The following TBC1D22A variants were observed in gnomAD, a reference collection of about 807,000 sequenced individuals.
TBC1D22A encodes putative GTPase activator.
In TBC1D22A, 38 loss-of-function variants were observed where a neutral mutation model predicts 60.2. The observed-to-expected ratio is 0.63, with a 90% CI of 0.49 to 0.83. The LOEUF (loss-of-function observed/expected upper bound fraction) is 0.83, where lower values mean the gene tolerates loss of function less well. TBC1D22A is among the 40% of genes least tolerant of loss of function. The pLI is 0.00. For missense variants in TBC1D22A, 628 were observed against 701.0 expected (o/e 0.90, Z 1.18); for synonymous variants, 302 against 281.7 (o/e 1.07, Z -0.72).
intron 11 of TBC1D22A, among the ~76,000 whole-genome samples, chr22:47,065,654 T>TGC (rs1366223481): frequency 6.6e-6 from 1 of 151,552 alleles, no homozygotes; most frequent in African/African-American, 2.4e-5. Context: ...TGGGTTGGAT[T>TGC]GAGGGAGACC....
chr22:46,941,592 T>C (rs1407053968), intron 8 of TBC1D22A, among the ~76,000 whole-genome samples: 2 of 147,430 alleles, frequency 1.4e-5, no homozygotes, highest in African/African-American at 4.9e-5. Context: ...GGAATATATA[T>C]ACGGAATATA....
chr22:46,876,227 G>A (rs1188079904), intron 4 of TBC1D22A, among the ~76,000 whole-genome samples: 1 of 152,154 alleles, frequency 6.6e-6, no homozygotes, highest in Non-Finnish European at 1.5e-5. Flanking sequence ...TCTCGTATGT[G>A]CCTACAGAAA....
In TBC1D22A at chr22:46,993,609, G is replaced by A. The variant is rs563295198; in HGVS notation, c.1126-4025G>A. The stretch of plus-strand genomic sequence containing the variant: ...GCGGGGTGCTGGGCTGGGGTGTCCC[G>A]AGGGCAAATCTGGTTTCTGGGCCTT... On this transcript the variant is annotated intron_variant, in intron 9 of 12. Coordinates refer to ENST00000337137, the MANE Select transcript of TBC1D22A (RefSeq NM_014346.5). 1.7e-3 allele frequency among the ~76,000 whole-genome samples: 261 copies of A among 152,280 alleles called. 2 individuals are homozygous for A. The highest frequency in any genetic ancestry group is 0.017 in the Middle Eastern group (5 of 294).
intron 10 of TBC1D22A, among the ~76,000 whole-genome samples, chr22:47,011,868 A>G (rs1295306466): frequency 1.3e-5 from 2 of 152,110 alleles, no homozygotes; most frequent in Non-Finnish European, 1.5e-5. Context: ...TGCTGCTGCT[A>G]CATCCCCTGT....
intron 9 of TBC1D22A, among the ~76,000 whole-genome samples, chr22:46,981,816 A>C (rs547701946): frequency 6.6e-6 from 1 of 152,232 alleles, no homozygotes; most frequent in African/African-American, 2.4e-5. Context: ...TAGATCGAGC[A>C]GATAAGAATT....
At chr22:47,130,016 C>G (rs889287998) in intron 12 of TBC1D22A, among the ~76,000 whole-genome samples, 2 of 152,236 alleles carry the variant, frequency 1.3e-5, no homozygotes, top group African/African-American at 4.8e-5. Flanking sequence ...GTGCCCGGCC[C>G]TTCCTTCTGA....
In TBC1D22A at chr22:47,052,757, C is replaced by T. The variant is rs140687629; in HGVS notation, c.1329+15559C>T. Among the ~76,000 whole-genome samples the T allele has an allele frequency of 2.6e-4, 40 of 152,280 alleles. No individual in the cohort carries two copies. The East Asian group carries it at 6.6e-3, about 25-fold the overall frequency. ...TGGGGCAGCCAGGATAGCAGGAGGA[C>T]GGCCTCCCACAGTACCCCCGGGCAT... On this transcript the variant is annotated intron_variant, in intron 11 of 12. Coordinates refer to ENST00000337137, the MANE Select transcript of TBC1D22A (RefSeq NM_014346.5).
intron 8 of TBC1D22A, 146 bp from the exon 9 acceptor site, chr22:46,974,144 G>A: frequency 1.6e-6 from 1 of 636,640 alleles, no homozygotes; most frequent in Non-Finnish European, 2.8e-6. Flanking sequence ...GAGGTGGAAG[G>A]CTGCATGAGT....
Position 46,783,457 on chromosome 22 carries a change from G to A in TBC1D22A, c.63-9063G>A, listed in dbSNP as rs956147453. ...AGGCTGATGTAATACAGAACACACCGTATCTCCATCCAGCATGGGAAAGAG... is the reference window on the plus strand; with the variant it reads ...AGGCTGATGTAATACAGAACACACCATATCTCCATCCAGCATGGGAAAGAG... On this transcript the variant is annotated intron_variant, in intron 1 of 12. Transcript: ENST00000337137. Among the ~76,000 whole-genome samples, 12 of 152,194 alleles carry A rather than the reference G, an allele frequency of 7.9e-5. No individual in the cohort carries two copies. The East Asian group carries it at 9.6e-4, about 12-fold the overall frequency.
chr22:47,110,399 A>G (rs57315833), intron 11 of TBC1D22A, among the ~76,000 whole-genome samples: 8,512 of 152,234 alleles, frequency 0.056, 830 homozygotes, highest in African/African-American at 0.19. Context: ...ACATTGCTTG[A>G]AACCAGGAGG....
chr22:46,964,863 C>G (rs1459601943), intron 8 of TBC1D22A, among the ~76,000 whole-genome samples: 1 of 152,262 alleles, frequency 6.6e-6, no homozygotes, highest in African/African-American at 2.4e-5. Context: ...GCCAGCCTTT[C>G]ACGTGGGCTC....
chr22:47,004,628 A>T (rs137962798), intron 10 of TBC1D22A, among the ~76,000 whole-genome samples: 1 of 150,682 alleles, frequency 6.6e-6, no homozygotes, highest in African/African-American at 2.4e-5. Flanking sequence ...CCATATACAC[A>T]TACACACCTC....
chr22:47,137,417 C>T (rs1261394427), intron 12 of TBC1D22A, among the ~76,000 whole-genome samples: 1 of 152,152 alleles, frequency 6.6e-6, no homozygotes, highest in Non-Finnish European at 1.5e-5. Flanking sequence ...CCCTCACTGC[C>T]CAAAGAGGGG....
Position 46,762,764 on chromosome 22 carries a change from G to A in TBC1D22A, c.-23G>A. On this transcript the variant is annotated 5_prime_UTR_variant, in exon 1 of 13. Transcript: ENST00000337137. The stretch of plus-strand genomic sequence containing the variant: ...GTGCACTCGGGGTGTCTGGGCCGCG[G>A]GTCTGAGGGATGAGGAGGGGCCATG... The A allele has an allele frequency of 1.4e-6, 2 of 1,430,720 alleles. No homozygotes were observed. Among genetic ancestry groups the A allele is most frequent in the East Asian group, 3.0e-5 (1 of 32,806 alleles). The allele number at this position is 1,430,720 out of a possible 1,614,324, so 88.6% of individuals were successfully genotyped here. A position where few individuals can be genotyped will look rare whatever the true frequency, so the allele number is the denominator to read the frequency against.
At chr22:47,069,659 TTGA>T (rs2063891226) in intron 11 of TBC1D22A, among the ~76,000 whole-genome samples, 1 of 142,800 alleles carries the variant, frequency 7.0e-6, no homozygotes, top group South Asian at 2.4e-4. Context: ...TGGAGCTGAC[TTGA>T]CGGTTCCCGG....
intron 7 of TBC1D22A, among the ~76,000 whole-genome samples, chr22:46,908,548 G>C (rs746797346): frequency 5.9e-5 from 9 of 152,168 alleles, no homozygotes; most frequent in Non-Finnish European, 8.8e-5. Context: ...TAAATCTGAA[G>C]AATTTGGACT....
At chr22:47,093,612 G>T (rs994381652) in intron 11 of TBC1D22A, among the ~76,000 whole-genome samples, 19 of 152,196 alleles carry the variant, frequency 1.2e-4, no homozygotes, top group Admixed American at 5.2e-4. Context: ...ATTTAAACCA[G>T]TCAATTGGTA....
At chr22:46,971,294 A>G (rs61007137) in intron 8 of TBC1D22A, among the ~76,000 whole-genome samples, 4,792 of 152,256 alleles carry the variant, frequency 0.031, 250 homozygotes, top group African/African-American at 0.11. Flanking sequence ...CGGAGCTGCC[A>G]CAGCCCAGCT....
At chr22:46,979,399 T>C (rs1006409174) in intron 9 of TBC1D22A, among the ~76,000 whole-genome samples, 3 of 152,190 alleles carry the variant, frequency 2.0e-5, no homozygotes, top group Non-Finnish European at 4.4e-5. Flanking sequence ...GAGACCCGCG[T>C]TTGAATAACT....
Sources: allele counts gnomAD v4.1 joint callset (sites outside exome capture counted in the v4.1 genomes callset), GRCh38; gene constraint gnomAD v4.1.1; transcripts MANE v1.5; gene names NCBI Gene and HGNC (gene_info 2026-07-23, HGNC 2026-07-21).